Variants in ADGRL3 observed in about 807,000 individuals in gnomAD.
ADGRL3 encodes the protein calcium-independent alpha-latrotoxin receptor 3.
ADGRL3 carries 62 observed loss-of-function variants against 153.5 expected under a neutral mutation model. The observed-to-expected ratio is 0.40, with a 90% CI of 0.33 to 0.50. The LOEUF (loss-of-function observed/expected upper bound fraction) is 0.50. Ranked by LOEUF, ADGRL3 falls within the 20% of genes least tolerant of loss-of-function variation. ADGRL3 has a pLI of 0.47. For synonymous variants in ADGRL3, 710 were observed against 672.5 expected (o/e 1.06, Z -0.86); for missense variants, 1,641 against 1,859.4 (o/e 0.88, Z 2.16).
intron 1 of ADGRL3, among the ~76,000 whole-genome samples, chr4:61,356,889 T>C (rs2096182846): frequency 1.3e-5 from 2 of 152,138 alleles, no homozygotes; most frequent in Non-Finnish European, 2.9e-5. Context: ...CAGGCACTTT[T>C]TCCTCCCTGA....
intron 1 of ADGRL3, among the ~76,000 whole-genome samples, chr4:61,286,802 A>G (rs2093958201): frequency 6.6e-6 from 1 of 151,838 alleles, no homozygotes; most frequent in East Asian, 1.9e-4. Context: ...CCACACACAC[A>G]ATTTCTAATG....
intron 2 of ADGRL3, among the ~76,000 whole-genome samples, chr4:61,413,471 G>A (rs928477248): frequency 1.3e-5 from 2 of 152,092 alleles, no homozygotes; most frequent in African/African-American, 4.8e-5. Context: ...CCTTTTTGGG[G>A]GTTGCATAGA....
At chr4:61,773,988 G>C (rs2097115515) in intron 8 of ADGRL3, among the ~76,000 whole-genome samples, 1 of 152,172 alleles carries the variant, frequency 6.6e-6, no homozygotes, top group South Asian at 2.1e-4. Context: ...CTGCAGTTTT[G>C]CTATCCGCAG....
chr4:61,378,673 G>A (rs1560544348), intron 1 of ADGRL3, among the ~76,000 whole-genome samples: 1 of 152,012 alleles, frequency 6.6e-6, no homozygotes, highest in Non-Finnish European at 1.5e-5. Flanking sequence ...GTGTCAAAAA[G>A]TGGTGTTTGT....
chr4:62,057,433 T>C (rs1251284436), intron 25 of ADGRL3, among the ~76,000 whole-genome samples: 2 of 152,170 alleles, frequency 1.3e-5, no homozygotes, highest in Admixed American at 6.6e-5. Flanking sequence ...AGTCTAGATC[T>C]TCAGGTATAA....
At chr4:61,685,612 G>A (rs889966426) in intron 6 of ADGRL3, among the ~76,000 whole-genome samples, 1 of 152,104 alleles carries the variant, frequency 6.6e-6, no homozygotes, top group Non-Finnish European at 1.5e-5. Context: ...TTGAGGTAGG[G>A]AAGAGGTTGG....
At chr4:61,443,876 A>G (rs1473280562) in intron 2 of ADGRL3, among the ~76,000 whole-genome samples, 6 of 152,226 alleles carry the variant, frequency 3.9e-5, no homozygotes, top group Admixed American at 3.9e-4. Flanking sequence ...TTACTAATTC[A>G]GTAACACTGG....
chr4:61,570,997 G>A (rs1255773481), intron 4 of ADGRL3, among the ~76,000 whole-genome samples: 1 of 152,032 alleles, frequency 6.6e-6, no homozygotes, highest in Non-Finnish European at 1.5e-5. Context: ...ATTAATGGGG[G>A]GTTGCTCAAA....
chr4:61,763,667 T>C (rs1259022205), intron 8 of ADGRL3, among the ~76,000 whole-genome samples: 6 of 152,128 alleles, frequency 3.9e-5, no homozygotes, highest in Non-Finnish European at 7.4e-5. Flanking sequence ...CAAAAATACA[T>C]AAATTTAAAT....
chr4:61,373,116 G>C (rs553287282), intron 1 of ADGRL3, among the ~76,000 whole-genome samples: 1 of 152,130 alleles, frequency 6.6e-6, no homozygotes, highest in Non-Finnish European at 1.5e-5. Flanking sequence ...TCACTGACCT[G>C]CGCCCACTGT....
At chr4:61,253,014 C>T (rs1265426618) in intron 1 of ADGRL3, among the ~76,000 whole-genome samples, 2 of 152,124 alleles carry the variant, frequency 1.3e-5, no homozygotes, top group African/African-American at 4.8e-5. Flanking sequence ...TACTTATTTT[C>T]AGTCTAAGCC....
intron 16 of ADGRL3, 28 bp downstream of exon 16, chr4:61,947,150 G>A: frequency 6.5e-7 from 1 of 1,542,892 alleles, no homozygotes; most frequent in South Asian, 1.1e-5. Flanking sequence ...TAGCTTGGTT[G>A]TTCATATTAT....
chr4:61,429,842 A>C (rs866660339), intron 2 of ADGRL3, among the ~76,000 whole-genome samples: 8 of 152,126 alleles, frequency 5.3e-5, no homozygotes, highest in Admixed American at 2.6e-4. Flanking sequence ...TTCCTTGGTG[A>C]GTGCTTTACT....
intron 1 of ADGRL3, among the ~76,000 whole-genome samples, chr4:61,221,803 C>G (rs750846517): frequency 6.6e-6 from 1 of 151,886 alleles, no homozygotes; most frequent in Non-Finnish European, 1.5e-5. Context: ...CCAGATGTTG[C>G]AAAGTTGTTA....
At chr4:62,003,629 T>G (rs971039236) in intron 21 of ADGRL3, among the ~76,000 whole-genome samples, 40 of 152,190 alleles carry the variant, frequency 2.6e-4, no homozygotes, top group African/African-American at 9.4e-4. Context: ...TTGAATATTT[T>G]TAACCACTCT....
intron 1 of ADGRL3, among the ~76,000 whole-genome samples, chr4:61,288,034 GA>G (rs1432203684): frequency 6.6e-6 from 1 of 151,688 alleles, no homozygotes; most frequent in Non-Finnish European, 1.5e-5. Context: ...CAGTGTATTG[GA>G]AAAAATGAAA....
At chr4:61,269,053 T>G (rs920286121) in intron 1 of ADGRL3, among the ~76,000 whole-genome samples, 5 of 151,684 alleles carry the variant, frequency 3.3e-5, no homozygotes, top group African/African-American at 1.2e-4. Flanking sequence ...GGATTCTTGT[T>G]GTTACTTTAG....
At chr4:61,521,672 T>C (rs1045153271) in intron 4 of ADGRL3, among the ~76,000 whole-genome samples, 1 of 152,054 alleles carries the variant, frequency 6.6e-6, no homozygotes, top group East Asian at 1.9e-4. Context: ...ATTGCACATG[T>C]GAGTAAGACA....
intron 9 of ADGRL3, among the ~76,000 whole-genome samples, chr4:61,849,617 A>G (rs926254809): frequency 9.9e-5 from 15 of 152,068 alleles, no homozygotes; most frequent in African/African-American, 2.9e-4. Flanking sequence ...ACTGTAATCC[A>G]TTTTACATAT....
Sources: gnomAD v4.1 joint callset for allele counts (sites outside exome capture counted in the v4.1 genomes callset) on GRCh38, gnomAD v4.1.1 for gene constraint, MANE v1.5 for transcripts, NCBI Gene and HGNC (gene_info 2026-07-23, HGNC 2026-07-21) for gene names.